CCDC85C: variants seen among roughly 807,000 people sequenced by gnomAD.
CCDC85C encodes the protein coiled-coil domain-containing protein 85C.
Under a neutral mutation model 38.3 loss-of-function variants are expected in CCDC85C, and 18 were observed. The observed-to-expected ratio is 0.47, with a 90% CI of 0.33 to 0.70. The LOEUF is 0.70. Ranked by LOEUF, CCDC85C falls within the 30% of genes least tolerant of loss-of-function variation. The pLI is 0.03. For missense variants in CCDC85C, 566 were observed against 621.2 expected (o/e 0.91, Z 0.94); for synonymous variants, 264 against 293.8 (o/e 0.90, Z 1.04).
At chr14:99,561,227 G>T (rs138313038) in intron 1 of CCDC85C, among the ~76,000 whole-genome samples, 162 of 152,342 alleles carry the variant, frequency 1.1e-3, no homozygotes, top group Non-Finnish European at 1.8e-3. Flanking sequence ...ACTCTGAAAG[G>T]TCAGATGTGA....
At position 99,501,154 on chromosome 14, in the gene CCDC85C, A is replaced by G. The variant is rs1324854536; in HGVS notation, c.*14092T>C. 4 of 605,578 alleles carry G rather than the reference A, an allele frequency of 6.6e-6. No homozygotes were observed. The highest frequency in any genetic ancestry group is 8.7e-6 in the Non-Finnish European group (3 of 344,336). 37.5% of individuals were successfully genotyped at this position (605,578 alleles called of 1,614,324 possible). A position where few individuals can be genotyped will look rare whatever the true frequency, so the allele number is the denominator to read the frequency against. On this transcript the variant is annotated 3_prime_UTR_variant, in exon 6 of 6. Transcript: ENST00000380243. ...ACTTAGCCTTGGAGCCAGGTTTTCC[A>G]TACATGGTGGTTCAGCGTAGGTCAT...
rs1381561367 is a variant in CCDC85C, at chr14:99,514,950, C to T, written c.*296G>A. 2 of 317,110 alleles carry T rather than the reference C, an allele frequency of 6.3e-6. No individual in the cohort carries two copies. Among genetic ancestry groups the T allele is most frequent in the Non-Finnish European group, 1.2e-5 (2 of 166,226 alleles). 19.6% of individuals were successfully genotyped at this position (317,110 alleles called of 1,614,324 possible). A position where few individuals can be genotyped will look rare whatever the true frequency, so the allele number is the denominator to read the frequency against. On this transcript the variant is annotated 3_prime_UTR_variant, in exon 6 of 6. Coordinates refer to ENST00000380243, the MANE Select transcript of CCDC85C (RefSeq NM_001144995.2). ...CTGGATCTCAGAAGCAGCCTGCAGC[C>T]TCTTGCTCATGGAGCCCAGGGCCCA...
rs1897219649 is a variant in CCDC85C at position 99,516,055 on chromosome 14, T to C, written c.1170+133A>G. ...AGCACCTCTGAGGCCTCCCCCCAGCTATCCAAGGTCACCCAGCCTTCGCTG... is the reference window on the plus strand; with the variant it reads ...AGCACCTCTGAGGCCTCCCCCCAGCCATCCAAGGTCACCCAGCCTTCGCTG... On this transcript the variant is annotated intron_variant, in intron 5 of 5. Transcript: ENST00000380243. This position sits in a 1 kb window ranked among gnomAD's most constrained non-coding sequence, Gnocchi z 5.5. 1.4e-6 allele frequency: 1 copy of C among 726,642 alleles called. No homozygotes were observed. The highest frequency in any genetic ancestry group is 2.4e-6 in the Non-Finnish European group (1 of 423,696). 45.0% of individuals were successfully genotyped at this position (726,642 alleles called of 1,614,324 possible).
rs573560559 is a variant in CCDC85C, at chr14:99,516,681, A to G, written c.1072-395T>C. Among the ~76,000 whole-genome samples the G allele has an allele frequency of 6.6e-6, 1 of 152,202 alleles. No individual in the cohort carries two copies. The highest frequency in any genetic ancestry group is 2.4e-5 in the African/African-American group (1 of 41,526). On this transcript the variant is annotated intron_variant, in intron 4 of 5. Transcript: ENST00000380243. This position sits in a 1 kb window ranked among gnomAD's most constrained non-coding sequence, Gnocchi z 5.5. ...GCACGTACGTAGGAGGAAGGGGGGC[A>G]TGGGAGTGGGGACTGTGCTCAGGTG... is the stretch of plus-strand genomic sequence containing the variant.
At chr14:99,556,922 A>T (rs1898022254) in intron 1 of CCDC85C, among the ~76,000 whole-genome samples, 2 of 151,752 alleles carry the variant, frequency 1.3e-5, no homozygotes. Context: ...AAAAAAAAAA[A>T]GTCCAGAGAG....
rs888823851 is a variant in CCDC85C at position 99,535,448 on chromosome 14, G to A, written c.867+567C>T. Among the ~76,000 whole-genome samples, 21 of 152,028 alleles carry A rather than the reference G, an allele frequency of 1.4e-4. No individual in the cohort carries two copies. The highest frequency in any genetic ancestry group is 9.8e-4 in the Admixed American group (15 of 15,258). On this transcript the variant is annotated intron_variant, in intron 2 of 5. Transcript: ENST00000380243. The surrounding 1 kb of genome is among the most constrained non-coding windows in gnomAD (Gnocchi z 5.5). The stretch of plus-strand genomic sequence containing the variant: ...AAAGCCCTTGTCCTGGCAGTCACAC[G>A]TCCCCTCCAAGCTCCAGCCACACTC...
chr14:99,588,138 A>G lies in CCDC85C; in HGVS notation c.793+15029T>C, dbSNP rs897802518. Reference sequence around the variant, plus strand: ...AGTTCCTCCAGCTGCCAATCAGCAGACCAACAAGGGGCAGGTCTGGGGAGA... The same window carrying G: ...AGTTCCTCCAGCTGCCAATCAGCAGGCCAACAAGGGGCAGGTCTGGGGAGA... On this transcript the variant is annotated intron_variant, in intron 1 of 5. Transcript: ENST00000380243. The surrounding 1 kb of genome is among the most constrained non-coding windows in gnomAD (Gnocchi z 5.0). 6.6e-6 allele frequency among the ~76,000 whole-genome samples: 1 copy of G among 152,154 alleles called. No homozygotes were observed. The highest frequency in any genetic ancestry group is 1.5e-5 in the Non-Finnish European group (1 of 68,038).
chr14:99,519,232 C>CAG (rs1274689324), intron 3 of CCDC85C, among the ~76,000 whole-genome samples: 1 of 150,024 alleles, frequency 6.7e-6, no homozygotes, highest in African/African-American at 2.5e-5. Context: ...CCTCCCACCC[C>CAG]AGCTTCCAGC....
chr14:99,555,842 G>A (rs985142697), intron 1 of CCDC85C, among the ~76,000 whole-genome samples: 3 of 152,160 alleles, frequency 2.0e-5, no homozygotes, highest in African/African-American at 7.2e-5. Context: ...TTACAATGGG[G>A]GACCCTCCCA....
At position 99,533,082 on chromosome 14, in the gene CCDC85C, G is replaced by A. The variant is rs533085514; in HGVS notation, c.867+2933C>T. On this transcript the variant is annotated intron_variant, in intron 2 of 5. Transcript: ENST00000380243. The surrounding 1 kb of genome is among the most constrained non-coding windows in gnomAD (Gnocchi z 4.2). ...CAGGTGTGAGCCACCACACCCAGCC[G>A]TGGCTCCTCTGGTTCTGCTGATGCC... Among the ~76,000 whole-genome samples, 42 of 152,200 alleles carry A rather than the reference G, an allele frequency of 2.8e-4. No homozygotes were observed. The highest frequency in any genetic ancestry group is 5.4e-4 in the Non-Finnish European group (37 of 67,998).
intron 2 of CCDC85C, among the ~76,000 whole-genome samples, chr14:99,527,058 G>A (rs890578960): frequency 2.6e-5 from 4 of 152,196 alleles, no homozygotes; most frequent in Admixed American, 6.5e-5. Flanking sequence ...GCTGTGCAGC[G>A]TAGCACAGAG....
In CCDC85C at chr14:99,503,033, G is replaced by A. The variant is rs184863233; in HGVS notation, c.*12213C>T. 132 of 1,593,322 alleles carry A rather than the reference G, an allele frequency of 8.3e-5. No homozygotes were observed. The African/African-American group carries it at 1.4e-3, about 17-fold the overall frequency. ...GGGTAGAGCAGGCTTTCCAGGTGGCGGCAACACCTGAGCACTGTTCCCATT... is the reference window on the plus strand; with the variant it reads ...GGGTAGAGCAGGCTTTCCAGGTGGCAGCAACACCTGAGCACTGTTCCCATT... On this transcript the variant is annotated 3_prime_UTR_variant, in exon 6 of 6. Transcript: ENST00000380243.
At chr14:99,528,568 C>T (rs2139908823) in intron 2 of CCDC85C, among the ~76,000 whole-genome samples, 1 of 152,322 alleles carries the variant, frequency 6.6e-6, no homozygotes, top group Non-Finnish European at 1.5e-5. Context: ...CCCAAGTGCC[C>T]TGCTACCCTC....
At chr14:99,579,523 A>G (rs1415209465) in intron 1 of CCDC85C, among the ~76,000 whole-genome samples, 1 of 152,160 alleles carries the variant, frequency 6.6e-6, no homozygotes, top group Non-Finnish European at 1.5e-5. Context: ...ATCCCAGGGC[A>G]TGTGTTCCCA....
intron 1 of CCDC85C, among the ~76,000 whole-genome samples, chr14:99,552,856 C>T (rs967639851): frequency 4.6e-5 from 7 of 152,230 alleles, no homozygotes; most frequent in South Asian, 2.1e-4. Context: ...TTGGAAAACC[C>T]GGTGCTTCCT....
At chr14:99,525,682 G>A (rs1012419373) in intron 2 of CCDC85C, among the ~76,000 whole-genome samples, 1 of 152,240 alleles carries the variant, frequency 6.6e-6, no homozygotes, top group African/African-American at 2.4e-5. Context: ...GGGGGTGCGG[G>A]TGGAGGCAGG....
Position 99,510,055 on chromosome 14 carries a change from G to C in CCDC85C, c.*5191C>G, listed in dbSNP as rs1393218786. On this transcript the variant is annotated 3_prime_UTR_variant, in exon 6 of 6. Coordinates refer to ENST00000380243, the MANE Select transcript of CCDC85C (RefSeq NM_001144995.2). ...TGGGCCACAGAGGAGGCGGGCAGCT[G>C]CTCCCTGCTCCTCTGTAAAGATGGC... The C allele has an allele frequency of 8.3e-7, 1 of 1,203,808 alleles. No homozygotes were observed. The highest frequency in any genetic ancestry group is 2.6e-5 in the East Asian group (1 of 39,130). 74.6% of individuals were successfully genotyped at this position (1,203,808 alleles called of 1,614,324 possible). A position where few individuals can be genotyped will look rare whatever the true frequency, so the allele number is the denominator to read the frequency against.
intron 1 of CCDC85C, among the ~76,000 whole-genome samples, chr14:99,602,019 A>C (rs1031950891): frequency 2.6e-5 from 4 of 151,254 alleles, no homozygotes; most frequent in African/African-American, 9.7e-5. Flanking sequence ...GAGGGCAGTT[A>C]TTGCAGGCTT....
At position 99,515,166 on chromosome 14, in the gene CCDC85C, A is replaced by G; in HGVS notation, c.*80T>C. ...AGGAAGAAGACAGGGGCTGGGCTGG[A>G]GGTCCTGCCCGTGTCTGGGGCCTGA... On this transcript the variant is annotated 3_prime_UTR_variant, in exon 6 of 6. Transcript: ENST00000380243. The G allele has an allele frequency of 1.0e-6, 1 of 991,266 alleles. No individual in the cohort carries two copies. The highest frequency in any genetic ancestry group is 1.5e-5 in the South Asian group (1 of 67,040). The allele number at this position is 991,266 out of a possible 1,614,324, so 61.4% of individuals were successfully genotyped here.
Sources: gnomAD v4.1 joint callset for allele counts (sites outside exome capture counted in the v4.1 genomes callset) on GRCh38, gnomAD v4.1.1 for gene constraint, Gnocchi (gnomAD v3.1) non-coding constraint, MANE v1.5 for transcripts, NCBI Gene and HGNC (gene_info 2026-07-23, HGNC 2026-07-21) for gene names.